The following ZNF445 variants were observed in gnomAD, a reference collection of about 807,000 sequenced individuals.
ZNF445 encodes zinc finger protein 168.
ZNF445 carries 19 observed loss-of-function variants against 93.9 expected under a neutral mutation model. The ratio of observed to expected loss-of-function variants is 0.20; its 90% CI spans 0.14 to 0.30. ZNF445 has a LOEUF of 0.30. ZNF445 is among the 10% of genes least tolerant of loss of function. ZNF445 has a pLI of 1.00. For synonymous variants in ZNF445, 449 were observed against 446.3 expected, an observed-to-expected ratio of 1.01 and a Z score of -0.08; for missense variants, 1,058 against 1,259.4, an observed-to-expected ratio of 0.84 and a Z score of 2.42.
rs529382946 is a variant in ZNF445 at position 44,448,084 on chromosome 3, C to T, written c.1587G>A (p.Ala529=). ...GKAFRWSSNC[A]RHEKIHTGVK... The stretch of plus-strand genomic sequence containing the variant: ...CTCCAGTGTGAATTTTCTCATGCCG[C>T]GCACAGTTGGAACTCCACCGGAAGG... The change falls in exon 8 of 8, where the codon GCG becomes GCA. Residue 529 remains alanine, a synonymous_variant. Coordinates refer to ENST00000396077, the MANE Select transcript of ZNF445 (RefSeq NM_181489.6). The T allele has an allele frequency of 2.9e-5, 46 of 1,612,992 alleles. No homozygotes were observed. The highest frequency in any genetic ancestry group is 8.8e-5 in the South Asian group (8 of 91,070).
At chr3:44,470,773 A>C (rs1288852352) in intron 1 of ZNF445, among the ~76,000 whole-genome samples, 1 of 152,210 alleles carries the variant, frequency 6.6e-6, no homozygotes, top group East Asian at 1.9e-4. Context: ...TAATTCTCTT[A>C]AGAAGCAAAG....
At chr3:44,451,776 G>A (rs748812892) in intron 3 of ZNF445, among the ~76,000 whole-genome samples, 21 of 152,134 alleles carry the variant, frequency 1.4e-4, no homozygotes, top group Non-Finnish European at 2.4e-4. Flanking sequence ...TCAGGCCTCA[G>A]ATGACACAGT....
Position 44,447,462 on chromosome 3 carries a change from G to C in ZNF445, c.2209C>G (p.Pro737Ala). Residue 737 changes from proline to alanine, a missense_variant, in exon 8 of 8, where the codon CCT (proline) becomes GCT (alanine). By Grantham distance (27) the Pro-to-Ala change is conservative. Around this residue, in one of 3 missense-constraint regions of ZNF445, gnomAD observed 387 missense variants for 475.7 expected, o/e 0.81. Coordinates refer to ENST00000396077, the MANE Select transcript of ZNF445 (RefSeq NM_181489.6). The surrounding 1 kb of genome is among the most constrained non-coding windows in gnomAD (Gnocchi z 4.7). ...TGACTAAAAGATGGCCCGCCCTCAG[G>C]TTTTCTTTTCATGGCATGCTTCTTC... Reference protein sequence around the residue: ...HKKKHAMKRKPEGGPSFSQDT... With the variant: ...HKKKHAMKRKAEGGPSFSQDT... 6.2e-7 allele frequency: 1 copy of C among 1,614,126 alleles called. No individual in the cohort carries two copies. Among genetic ancestry groups the C allele is most frequent in the Non-Finnish European group, 8.5e-7 (1 of 1,180,020 alleles).
chr3:44,451,242 G>GT (rs1417230788), intron 4 of ZNF445, 72 bp downstream of exon 4: 9 of 1,539,980 alleles, frequency 5.8e-6, no homozygotes, highest in Middle Eastern at 3.4e-4. Context: ...GGACAGATGT[G>GT]GAAAGACAAC....
At position 44,440,307 on chromosome 3, in the gene ZNF445, T is replaced by C. The variant is rs1009650054; in HGVS notation, c.*6268A>G. On this transcript the variant is annotated 3_prime_UTR_variant, in exon 8 of 8. Transcript: ENST00000396077. ...GCTGGCATACAAGTATTTACTCTCCTTTTCCTCATCTAATAAAGTAGAATG... is the reference window on the plus strand; with the variant it reads ...GCTGGCATACAAGTATTTACTCTCCCTTTCCTCATCTAATAAAGTAGAATG... 3 of 152,208 alleles carry C rather than the reference T, an allele frequency of 2.0e-5. No homozygotes were observed. Among genetic ancestry groups the C allele is most frequent in the African/African-American group, 7.2e-5 (3 of 41,446 alleles). 9.4% of individuals were successfully genotyped at this position (152,208 alleles called of 1,614,324 possible).
chr3:44,462,224 C>T (rs940721309), intron 1 of ZNF445, among the ~76,000 whole-genome samples: 4 of 152,164 alleles, frequency 2.6e-5, no homozygotes, highest in Non-Finnish European at 5.9e-5. Context: ...TGGACAGTTA[C>T]TTTGCTACGG....
rs1697599310 is a variant in ZNF445, at chr3:44,433,262, C to A, written c.*13313G>T. 1 of 152,034 alleles carries A rather than the reference C, an allele frequency of 6.6e-6. No homozygotes were observed. The highest frequency in any genetic ancestry group is 2.1e-4 in the South Asian group (1 of 4,824). The allele number at this position is 152,034 out of a possible 1,614,324, so 9.4% of individuals were successfully genotyped here. On this transcript the variant is annotated 3_prime_UTR_variant, in exon 8 of 8. Coordinates refer to ENST00000396077, the MANE Select transcript of ZNF445 (RefSeq NM_181489.6). Reference sequence around the variant, plus strand: ...CCCAGTAGCTGGGATTTACAGGTGCCCGCTACCACGCCTGGCTACTTTTGT... The same window carrying A: ...CCCAGTAGCTGGGATTTACAGGTGCACGCTACCACGCCTGGCTACTTTTGT...
At chr3:44,473,453 T>TCACACACACACACACA (rs377305681) in intron 1 of ZNF445, among the ~76,000 whole-genome samples, 7 of 60,846 alleles carry the variant, frequency 1.2e-4, no homozygotes, top group African/African-American at 5.8e-4. Context: ...AAACTCCACT[T>TCACACACACACACACA]CACACACACA....
intron 1 of ZNF445, among the ~76,000 whole-genome samples, chr3:44,472,177 G>A (rs989043043): frequency 6.6e-6 from 1 of 152,196 alleles, no homozygotes; most frequent in Non-Finnish European, 1.5e-5. Flanking sequence ...AAGAAATTGA[G>A]GCCAGAGAGA....
chr3:44,447,219 A>C lies in ZNF445; in HGVS notation c.2452T>G (p.Tyr818Asp). 6.2e-7 allele frequency: 1 copy of C among 1,614,142 alleles called. No homozygotes were observed. Among genetic ancestry groups the C allele is most frequent in the East Asian group, 2.2e-5 (1 of 44,872 alleles). The change falls in exon 8 of 8, where the codon TAT becomes GAT. Residue 818 changes from tyrosine to aspartate, a missense_variant. Tyr to Asp is a radical substitution (Grantham distance 160). Transcript: ENST00000396077. This position sits in a 1 kb window ranked among gnomAD's most constrained non-coding sequence, Gnocchi z 4.7. ...HQRIHSLQKQ[Y>D]DCHESEKTPN... is the part of the protein sequence containing the mutation. ...GTCTTTTCACTTTCATGGCAATCAT[A>C]CTGTTTTTGAAGAGAGTGAATCCTC...
chr3:44,449,687 C>T (rs1284795244), intron 6 of ZNF445, 64 bp from the exon 7 acceptor site: 24 of 1,388,386 alleles, frequency 1.7e-5, no homozygotes, highest in Admixed American at 8.6e-5. Context: ...TCTTCAGGAC[C>T]TCTGGGCCTG....
chr3:44,474,084 A>G (rs1287710723), intron 1 of ZNF445, among the ~76,000 whole-genome samples: 1 of 152,246 alleles, frequency 6.6e-6, no homozygotes, highest in Non-Finnish European at 1.5e-5. Context: ...GTTCAAAGAG[A>G]AACAGCATCT....
Position 44,446,526 on chromosome 3 carries a change from C to G in ZNF445, c.*49G>C, listed in dbSNP as rs1356106942. The stretch of plus-strand genomic sequence containing the variant: ...CACAATGCCTATAATTAAGGGTTCT[C>G]TAGCAGGGGACTGAGAACCCACCCC... On this transcript the variant is annotated 3_prime_UTR_variant, in exon 8 of 8. Transcript: ENST00000396077. This position sits in a 1 kb window ranked among gnomAD's most constrained non-coding sequence, Gnocchi z 4.2. 2 of 1,608,726 alleles carry G rather than the reference C, an allele frequency of 1.2e-6. No homozygotes were observed. The highest frequency in any genetic ancestry group is 4.5e-5 in the East Asian group (2 of 44,878).
In ZNF445 at chr3:44,434,570, T is replaced by C. The variant is rs574003977; in HGVS notation, c.*12005A>G. ...GGTCCAGTGACTATAATGTCATCAA[T>C]ATAATGGACCAGTGTGTCGTCCTGA... On this transcript the variant is annotated 3_prime_UTR_variant, in exon 8 of 8. Coordinates refer to ENST00000396077, the MANE Select transcript of ZNF445 (RefSeq NM_181489.6). The C allele has an allele frequency of 6.6e-6, 1 of 152,252 alleles. No homozygotes were observed. Among genetic ancestry groups the C allele is most frequent in the African/African-American group, 2.4e-5 (1 of 41,548 alleles). The allele number at this position is 152,252 out of a possible 1,614,324, so 9.4% of individuals were successfully genotyped here.
chr3:44,432,634 C>T lies in ZNF445; in HGVS notation c.*13941G>A, dbSNP rs1697581457. The T allele has an allele frequency of 6.6e-6, 1 of 152,206 alleles. No homozygotes were observed. The highest frequency in any genetic ancestry group is 2.1e-4 in the South Asian group (1 of 4,832). The allele number at this position is 152,206 out of a possible 1,614,324, so 9.4% of individuals were successfully genotyped here. On this transcript the variant is annotated 3_prime_UTR_variant, in exon 8 of 8. Transcript: ENST00000396077. ...GAGGGCAATCTGCTTTCCTCAAAGT[C>T]CACAAATTTAAACGTTAATCTCATC... is the stretch of plus-strand genomic sequence containing the variant.
Position 44,476,876 on chromosome 3 carries a change from A to C in ZNF445, c.-269+715T>G, listed in dbSNP as rs1293555172. On this transcript the variant is annotated intron_variant, in intron 1 of 7. Transcript: ENST00000396077. ...GCAAATGTGTCTCCTACAGAAAATA[A>C]ACTGCAAACACGATTTCTTAATTAT... Among the ~76,000 whole-genome samples, 4 of 152,242 alleles carry C rather than the reference A, an allele frequency of 2.6e-5. No individual in the cohort carries two copies. The East Asian group carries it at 7.7e-4, about 29-fold the overall frequency.
At chr3:44,473,520 CT>C (rs1698302496) in intron 1 of ZNF445, among the ~76,000 whole-genome samples, 1 of 148,176 alleles carries the variant, frequency 6.7e-6, no homozygotes, top group Non-Finnish European at 1.5e-5. Context: ...TATTTAAAGC[CT>C]TAAAATAATA....
intron 1 of ZNF445, among the ~76,000 whole-genome samples, chr3:44,463,400 T>C (rs987851109): frequency 1.3e-5 from 2 of 152,234 alleles, no homozygotes; most frequent in African/African-American, 2.4e-5. Context: ...CTGGGACTCA[T>C]TGGGAAAAAC....
intron 2 of ZNF445, among the ~76,000 whole-genome samples, chr3:44,456,223 CT>C (rs2125681105): frequency 6.6e-6 from 1 of 152,200 alleles, no homozygotes; most frequent in East Asian, 1.9e-4. Context: ...CGAGACCAGC[CT>C]GGGCAACATG....
Sources: gnomAD v4.1 joint callset for allele counts (sites outside exome capture counted in the v4.1 genomes callset) on GRCh38, gnomAD v4.1.1 for gene constraint, gnomAD v4.1.1 regional missense constraint, Gnocchi (gnomAD v3.1) non-coding constraint, MANE v1.5 for transcripts, NCBI Gene and HGNC (gene_info 2026-07-23, HGNC 2026-07-21) for gene names.